Variants in CFDP1 observed in about 807,000 individuals in gnomAD.
CFDP1 encodes heterochromatin-stabilizing protein CFDP1.
A neutral mutation model predicts 40.1 loss-of-function variants in CFDP1; 31 were observed. The observed-to-expected ratio is 0.77, with a 90% CI of 0.58 to 1.04. CFDP1 has a LOEUF of 1.04. Ranked by LOEUF, CFDP1 falls within the 50% of genes least tolerant of loss-of-function variation. CFDP1 has a pLI of 0.00. For synonymous variants in CFDP1, 167 were observed against 120.0 expected, an observed-to-expected ratio of 1.39 and a Z score of -2.56; for missense variants, 423 against 343.4, an observed-to-expected ratio of 1.23 and a Z score of -1.83.
intron 6 of CFDP1, among the ~76,000 whole-genome samples, chr16:75,303,365 CTAAA>C (rs576854066): frequency 0.032 from 4,379 of 136,118 alleles, 200 homozygotes; most frequent in African/African-American, 0.1. Context: ...GACTCCATCT[CTAAA>C]TAAATAAATA....
chr16:75,424,281 T>G (rs189772628), intron 1 of CFDP1, among the ~76,000 whole-genome samples: 33 of 152,330 alleles, frequency 2.2e-4, no homozygotes, highest in Admixed American at 1.3e-3. Context: ...CTCAGTTTTT[T>G]CATCAGTAAA....
At chr16:75,312,739 T>C (rs750628289) in intron 5 of CFDP1, among the ~76,000 whole-genome samples, 8 of 152,174 alleles carry the variant, frequency 5.3e-5, no homozygotes, top group Admixed American at 1.3e-4. Flanking sequence ...CAGCTGACTG[T>C]CAGGGAGAAC....
chr16:75,336,539 T>C (rs1297089740), intron 5 of CFDP1, among the ~76,000 whole-genome samples: 1 of 152,256 alleles, frequency 6.6e-6, no homozygotes, highest in Non-Finnish European at 1.5e-5. Context: ...ACAATGCATA[T>C]ACCCCTCTTT....
At chr16:75,404,913 C>A (rs998351205) in intron 4 of CFDP1, among the ~76,000 whole-genome samples, 1 of 152,108 alleles carries the variant, frequency 6.6e-6, no homozygotes, top group African/African-American at 2.4e-5. Flanking sequence ...TTAGATTGAA[C>A]AAGAAATACA....
At chr16:75,388,895 G>A (rs2078923117) in intron 5 of CFDP1, among the ~76,000 whole-genome samples, 1 of 147,898 alleles carries the variant, frequency 6.8e-6, no homozygotes, top group Non-Finnish European at 1.5e-5. Context: ...CACCTATGAT[G>A]TTGTTTGATA....
At position 75,428,312 on chromosome 16, in the gene CFDP1, T is replaced by G. The variant is rs182576274; in HGVS notation, c.64+4977A>C. Reference sequence around the variant, plus strand: ...CTGCATTTACAAAAGAAGAACATAATGCTATAAAAATATTCAAAGTTGGCT... The same window carrying G: ...CTGCATTTACAAAAGAAGAACATAAGGCTATAAAAATATTCAAAGTTGGCT... On this transcript the variant is annotated intron_variant, in intron 1 of 6. Coordinates refer to ENST00000283882, the MANE Select transcript of CFDP1 (RefSeq NM_006324.3). Among the ~76,000 whole-genome samples the G allele has an allele frequency of 2.6e-5, 4 of 152,210 alleles. No homozygotes were observed. The East Asian group carries it at 7.7e-4, about 29-fold the overall frequency.
At chr16:75,382,007 A>G (rs2078856407) in intron 5 of CFDP1, among the ~76,000 whole-genome samples, 1 of 151,980 alleles carries the variant, frequency 6.6e-6, no homozygotes, top group African/African-American at 2.4e-5. Context: ...TCCCAGCTAC[A>G]CAGGAGGCTG....
chr16:75,369,844 C>A (rs1056844075), intron 5 of CFDP1, among the ~76,000 whole-genome samples: 7 of 152,018 alleles, frequency 4.6e-5, no homozygotes, highest in African/African-American at 1.7e-4. Flanking sequence ...CCTCCGCCTC[C>A]CAGGTTCACG....
intron 5 of CFDP1, among the ~76,000 whole-genome samples, chr16:75,363,942 A>AAAACAC (rs2078696205): frequency 7.0e-6 from 1 of 142,828 alleles, no homozygotes; most frequent in South Asian, 2.3e-4. Context: ...AAAGAGGTGA[A>AAAACAC]ACACACACAC....
At chr16:75,328,737 G>A (rs1453125320) in intron 5 of CFDP1, among the ~76,000 whole-genome samples, 3 of 150,988 alleles carry the variant, frequency 2.0e-5, no homozygotes, top group African/African-American at 7.3e-5. Flanking sequence ...GGAGTACAGT[G>A]GTGTGATCTT....
At chr16:75,391,752 C>T (rs2078953194) in intron 5 of CFDP1, among the ~76,000 whole-genome samples, 1 of 151,202 alleles carries the variant, frequency 6.6e-6, no homozygotes, top group African/African-American at 2.4e-5. Flanking sequence ...GGCAGGTGGC[C>T]GAGGTCAGGA....
At chr16:75,344,372 C>T (rs186842290) in intron 5 of CFDP1, among the ~76,000 whole-genome samples, 1 of 152,160 alleles carries the variant, frequency 6.6e-6, no homozygotes, top group African/African-American at 2.4e-5. Flanking sequence ...AGTAAGAAAA[C>T]AAAGGAAATC....
intron 5 of CFDP1, among the ~76,000 whole-genome samples, chr16:75,371,395 T>C (rs2078750295): frequency 1.3e-5 from 2 of 152,200 alleles, no homozygotes; most frequent in Admixed American, 1.3e-4. Flanking sequence ...ATGTCTTAAG[T>C]AAATAAAACT....
chr16:75,423,598 T>G (rs966535154), intron 1 of CFDP1, among the ~76,000 whole-genome samples: 1 of 151,982 alleles, frequency 6.6e-6, no homozygotes, highest in African/African-American at 2.4e-5. Flanking sequence ...CACTGCAACC[T>G]CCGCCTCTTG....
intron 5 of CFDP1, among the ~76,000 whole-genome samples, chr16:75,344,701 A>C (rs1367030409): frequency 6.6e-6 from 1 of 152,206 alleles, no homozygotes; most frequent in Non-Finnish European, 1.5e-5. Context: ...TAGGAGGCCC[A>C]GATGGGTGGA....
intron 4 of CFDP1, among the ~76,000 whole-genome samples, chr16:75,398,500 C>G (rs568889778): frequency 9.2e-5 from 14 of 152,264 alleles, no homozygotes; most frequent in Non-Finnish European, 1.3e-4. Flanking sequence ...CTTCCACAGG[C>G]TAGCAAATAA....
chr16:75,427,203 G>A (rs1446546817), intron 1 of CFDP1, among the ~76,000 whole-genome samples: 2 of 152,054 alleles, frequency 1.3e-5, no homozygotes, highest in African/African-American at 4.8e-5. Context: ...CATGAAAAGA[G>A]CATCAACATC....
In CFDP1 at chr16:75,303,290, C is replaced by T. The variant is rs369603352; in HGVS notation, c.809+1734G>A. On this transcript the variant is annotated intron_variant, in intron 6 of 6. Transcript: ENST00000283882. ...CTGAGGCAGGAGAATCGCTTGAACCCGGCAGGCAGAGGTTGCAGTGACCCA... is the reference window on the plus strand; with the variant it reads ...CTGAGGCAGGAGAATCGCTTGAACCTGGCAGGCAGAGGTTGCAGTGACCCA... Among the ~76,000 whole-genome samples the T allele has an allele frequency of 1.7e-3, 255 of 152,096 alleles. 1 individual carries two copies. The highest frequency in any genetic ancestry group is 5.9e-3 in the African/African-American group (246 of 41,500).
At position 75,351,486 on chromosome 16, in the gene CFDP1, ATAAC is replaced by A. The variant is rs537572884; in HGVS notation, c.650+43600_650+43603del. Among the ~76,000 whole-genome samples the A allele has an allele frequency of 1.2e-3, 179 of 152,372 alleles. 1 individual carries two copies. Among genetic ancestry groups the A allele is most frequent in the African/African-American group, 4.0e-3 (168 of 41,600 alleles). On this transcript the variant is annotated intron_variant, in intron 5 of 6. Coordinates refer to ENST00000283882, the MANE Select transcript of CFDP1 (RefSeq NM_006324.3). ...AAAGACTATTAAGGTCACTATCAAA[ATAAC>A]TAACTAATTTGAAGAACTTATTTGT...
Sources: gnomAD v4.1 joint callset for allele counts (sites outside exome capture counted in the v4.1 genomes callset) on GRCh38, gnomAD v4.1.1 for gene constraint, MANE v1.5 for transcripts, NCBI Gene and HGNC (gene_info 2026-07-23, HGNC 2026-07-21) for gene names.